The following DHRS3 variants were observed in gnomAD, a reference collection of about 807,000 sequenced individuals.
The protein encoded by DHRS3 is short-chain dehydrogenase/reductase 3.
A neutral mutation model predicts 27.2 loss-of-function variants in DHRS3; 14 were observed. The observed-to-expected ratio is 0.52, with a 90% CI of 0.34 to 0.81. The LOEUF is 0.81. Ranked by LOEUF, DHRS3 falls within the 30% of genes least tolerant of loss-of-function variation. The pLI is 0.01. For synonymous variants in DHRS3, 165 were observed against 175.9 expected (o/e 0.94, Z 0.49); for missense variants, 322 against 406.2 (o/e 0.79, Z 1.78).
At chr1:12,611,391 T>A (rs1646908435) in intron 1 of DHRS3, among the ~76,000 whole-genome samples, 1 of 152,230 alleles carries the variant, frequency 6.6e-6, no homozygotes, top group South Asian at 2.1e-4. Context: ...TTGGGTCCCT[T>A]ATTCCTTTAG....
At chr1:12,569,230 C>T (rs1646513247) in intron 5 of DHRS3, among the ~76,000 whole-genome samples, 1 of 102,794 alleles carries the variant, frequency 9.7e-6, no homozygotes, top group Non-Finnish European at 2.6e-5. Context: ...CTCTCTCTCT[C>T]TCACACACAC....
chr1:12,605,363 CAT>C (rs1646863368), intron 1 of DHRS3, among the ~76,000 whole-genome samples: 1 of 152,154 alleles, frequency 6.6e-6, no homozygotes, highest in Non-Finnish European at 1.5e-5. Context: ...TTACCAAGGT[CAT>C]ATACAGTATC....
chr1:12,574,078 C>T lies in DHRS3; in HGVS notation c.699-1225G>A, dbSNP rs982304615. Among the ~76,000 whole-genome samples, 3 of 152,222 alleles carry T rather than the reference C, an allele frequency of 2.0e-5. No homozygotes were observed. The highest frequency in any genetic ancestry group is 7.2e-5 in the African/African-American group (3 of 41,460). ...GATGTCATTCCTCAGCAACAGGCAGCCCTTGGACTCCCAGCAGGGGTTTGG... is the reference window on the plus strand; with the variant it reads ...GATGTCATTCCTCAGCAACAGGCAGTCCTTGGACTCCCAGCAGGGGTTTGG... On this transcript the variant is annotated intron_variant, in intron 4 of 5. Coordinates refer to ENST00000616661, the MANE Select transcript of DHRS3 (RefSeq NM_004753.7). The surrounding 1 kb of genome is among the most constrained non-coding windows in gnomAD (Gnocchi z 4.6).
chr1:12,607,804 G>C (rs1488798506), intron 1 of DHRS3, among the ~76,000 whole-genome samples: 2 of 152,056 alleles, frequency 1.3e-5, no homozygotes, highest in Non-Finnish European at 2.9e-5. Context: ...CTTGTAACTT[G>C]ATGAAGTTTA....
rs560789895 is a variant in DHRS3, at chr1:12,617,718, G to GA, written c.-371dup. The GA allele has an allele frequency of 0.038, 2,586 of 67,796 alleles. 39 individuals carry two copies. Among genetic ancestry groups the GA allele is most frequent in the Middle Eastern group, 0.091 (6 of 66 alleles). The allele number at this position is 67,796 out of a possible 1,614,324, so 4.2% of individuals were successfully genotyped here. ...TGACAGAGGAGTTTAGGGAGGGGAA[G>GA]AAAAAAAAAAAAAGGCACCAACCAC... is the stretch of plus-strand genomic sequence containing the variant. On this transcript the variant is annotated 5_prime_UTR_variant, in exon 1 of 6. Coordinates refer to ENST00000616661, the MANE Select transcript of DHRS3 (RefSeq NM_004753.7).
chr1:12,574,777 G>A lies in DHRS3; in HGVS notation c.699-1924C>T, dbSNP rs1646570800. On this transcript the variant is annotated intron_variant, in intron 4 of 5. Coordinates refer to ENST00000616661, the MANE Select transcript of DHRS3 (RefSeq NM_004753.7). The surrounding 1 kb of genome is among the most constrained non-coding windows in gnomAD (Gnocchi z 4.6). ...ATTTTCTCCTTCCTCTCCACGGTGTGTGGGATGGGGACACGGGGAACTGGC... is the reference window on the plus strand; with the variant it reads ...ATTTTCTCCTTCCTCTCCACGGTGTATGGGATGGGGACACGGGGAACTGGC... Among the ~76,000 whole-genome samples, 1 of 152,240 alleles carries A rather than the reference G, an allele frequency of 6.6e-6. No individual in the cohort carries two copies. The highest frequency in any genetic ancestry group is 1.5e-5 in the Non-Finnish European group (1 of 68,042).
At position 12,574,996 on chromosome 1, in the gene DHRS3, C is replaced by T. The variant is rs1646572386; in HGVS notation, c.699-2143G>A. ...AAATGCAGCAGCACTTGTAAAGTGT[C>T]TAGTGGTTCTAGGTGGTTCTATGGC... On this transcript the variant is annotated intron_variant, in intron 4 of 5. Coordinates refer to ENST00000616661, the MANE Select transcript of DHRS3 (RefSeq NM_004753.7). The surrounding 1 kb of genome is among the most constrained non-coding windows in gnomAD (Gnocchi z 4.6). 6.6e-6 allele frequency among the ~76,000 whole-genome samples: 1 copy of T among 152,096 alleles called. No homozygotes were observed. The highest frequency in any genetic ancestry group is 2.4e-5 in the African/African-American group (1 of 41,412).
intron 5 of DHRS3, among the ~76,000 whole-genome samples, chr1:12,569,216 CCCTCT>C (rs1351776035): frequency 2.3e-4 from 16 of 69,542 alleles, no homozygotes; most frequent in South Asian, 9.3e-4. Flanking sequence ...AAACTCTGTC[CCCTCT>C]CTCTCTCTCT....
chr1:12,578,855 G>A lies in DHRS3; in HGVS notation c.561C>T (p.Asp187=). Reference sequence around the variant, plus strand: ...AGGCTGACGCTTTGGATGTGCAGTAGTCGATGGCACCGGGGATGGCAGACA... The same window carrying A: ...AGGCTGACGCTTTGGATGTGCAGTAATCGATGGCACCGGGGATGGCAGACA... ...LALSAIPGAI[D]YCTSKASAFA... is the part of the protein sequence containing the mutation. The change falls in exon 4 of 6, where the codon GAC becomes GAT. Residue 187 remains aspartate, a synonymous_variant. Coordinates refer to ENST00000616661, the MANE Select transcript of DHRS3 (RefSeq NM_004753.7). This position sits in a 1 kb window ranked among gnomAD's most constrained non-coding sequence, Gnocchi z 4.5. 2 of 1,614,040 alleles carry A rather than the reference G, an allele frequency of 1.2e-6. No individual in the cohort carries two copies. Among genetic ancestry groups the A allele is most frequent in the Non-Finnish European group, 1.7e-6 (2 of 1,180,036 alleles).
chr1:12,607,961 T>C (rs1350338642), intron 1 of DHRS3, among the ~76,000 whole-genome samples: 2 of 152,166 alleles, frequency 1.3e-5, no homozygotes, highest in East Asian at 3.9e-4. Context: ...CACTGCAAAC[T>C]CCACCTCCCA....
intron 5 of DHRS3, among the ~76,000 whole-genome samples, chr1:12,569,160 TG>T: frequency 1.3e-5 from 2 of 151,426 alleles, no homozygotes; most frequent in East Asian, 3.9e-4. Flanking sequence ...GAGGTTTCGG[TG>T]GGCCGAGATC....
rs1646886727 is a variant in DHRS3 at position 12,608,609 on chromosome 1, A to G, written c.195+8545T>C. Among the ~76,000 whole-genome samples the G allele has an allele frequency of 6.6e-6, 1 of 152,188 alleles. No homozygotes were observed. Among genetic ancestry groups the G allele is most frequent in the African/African-American group, 2.4e-5 (1 of 41,442 alleles). On this transcript the variant is annotated intron_variant, in intron 1 of 5. Coordinates refer to ENST00000616661, the MANE Select transcript of DHRS3 (RefSeq NM_004753.7). This position sits in a 1 kb window ranked among gnomAD's most constrained non-coding sequence, Gnocchi z 4.1. ...TGTCATTGCCCTCACTGACTTCATG[A>G]CAATGACTCACAGAATCAAAGGGTA...
chr1:12,605,393 T>C (rs2100715429), intron 1 of DHRS3, among the ~76,000 whole-genome samples: 1 of 152,310 alleles, frequency 6.6e-6, no homozygotes, highest in South Asian at 2.1e-4. Flanking sequence ...TATATTACCA[T>C]AGTCATGTAC....
intron 1 of DHRS3, among the ~76,000 whole-genome samples, chr1:12,603,060 T>G (rs994924987): frequency 3.6e-4 from 55 of 152,380 alleles, no homozygotes; most frequent in East Asian, 3.9e-4. Flanking sequence ...TTGGAGAGGC[T>G]GTCTCAGCCC....
intron 1 of DHRS3, chr1:12,600,278 A>C (rs1299318599): frequency 1.1e-6 from 1 of 875,312 alleles, no homozygotes; most frequent in African/African-American, 1.8e-5. Flanking sequence ...GGCTCAGGAG[A>C]TATCCCCAAA....
chr1:12,573,585 G>C (rs982902265), intron 4 of DHRS3, among the ~76,000 whole-genome samples: 1 of 152,224 alleles, frequency 6.6e-6, no homozygotes, highest in Non-Finnish European at 1.5e-5. Context: ...AATGTGTCCT[G>C]CTCATTCTGT....
rs1430905856 is a variant in DHRS3, at chr1:12,586,752, G to A, written c.196-6086C>T. The stretch of plus-strand genomic sequence containing the variant: ...TGAGGTCACACAGCAACTGAATAAT[G>A]GAGCTGGGATTTGAACCAAGGTCAT... On this transcript the variant is annotated intron_variant, in intron 1 of 5. Coordinates refer to ENST00000616661, the MANE Select transcript of DHRS3 (RefSeq NM_004753.7). The surrounding 1 kb of genome is among the most constrained non-coding windows in gnomAD (Gnocchi z 5.0). Among the ~76,000 whole-genome samples the A allele has an allele frequency of 2.6e-5, 4 of 152,194 alleles. No homozygotes were observed. Among genetic ancestry groups the A allele is most frequent in the Admixed American group, 1.3e-4 (2 of 15,286 alleles).
intron 1 of DHRS3, among the ~76,000 whole-genome samples, chr1:12,585,327 C>T (rs1286130504): frequency 6.8e-6 from 1 of 147,174 alleles, no homozygotes; most frequent in Non-Finnish European, 1.5e-5. Flanking sequence ...CTCTATGTGT[C>T]TCTGTGTGTC....
At chr1:12,569,640 A>G (rs1043544067) in intron 5 of DHRS3, among the ~76,000 whole-genome samples, 1 of 152,138 alleles carries the variant, frequency 6.6e-6, no homozygotes, top group African/African-American at 2.4e-5. Context: ...ATCTGGGGTC[A>G]CTGCAACCTC....
Sources: allele counts gnomAD v4.1 joint callset (sites outside exome capture counted in the v4.1 genomes callset), GRCh38; gene constraint gnomAD v4.1.1; non-coding constraint Gnocchi (gnomAD v3.1); transcripts MANE v1.5; gene names NCBI Gene and HGNC (gene_info 2026-07-23, HGNC 2026-07-21).